The following LARP1 variants were observed in gnomAD, a reference collection of about 807,000 sequenced individuals.
LARP1 encodes the protein la-related protein 1.
Under a neutral mutation model 122.7 loss-of-function variants are expected in LARP1, and 36 were observed. The ratio of observed to expected loss-of-function variants is 0.29; its 90% CI spans 0.22 to 0.39. The LOEUF is 0.39. LARP1 is among the 10% of genes least tolerant of loss of function. LARP1 has a pLI of 1.00. For missense variants in LARP1, 1,040 were observed against 1,403.6 expected (o/e 0.74, Z 4.14); for synonymous variants, 539 against 528.7 (o/e 1.02, Z -0.27).
At chr5:154,761,219 T>C (rs114504551) in intron 1 of LARP1, among the ~76,000 whole-genome samples, 17 of 152,286 alleles carry the variant, frequency 1.1e-4, no homozygotes, top group African/African-American at 3.9e-4. Flanking sequence ...TTTGCACAGG[T>C]AGTTTGAGTT....
intron 1 of LARP1, among the ~76,000 whole-genome samples, chr5:154,784,417 A>AT (rs764892348): frequency 3.3e-5 from 5 of 152,192 alleles, no homozygotes; most frequent in Admixed American, 6.5e-5. Flanking sequence ...GTGAGTGTGA[A>AT]TGTAATACAG....
intron 14 of LARP1, chr5:154,804,808 A>G (rs1437876906): frequency 4.4e-6 from 2 of 456,256 alleles, no homozygotes; most frequent in East Asian, 6.9e-5. Context: ...CTGTTTCCCA[A>G]AGCAAGCTTT....
chr5:154,752,025 A>G (rs59749917), upstream of LARP1, among the ~76,000 whole-genome samples: 27,538 of 152,014 alleles, frequency 0.18, 3,434 homozygotes, highest in African/African-American at 0.36. Context: ...GTCCAGGCTG[A>G]TCTCTAACTC....
Position 154,799,672 on chromosome 5 carries a change from C to T in LARP1, c.1459C>T (p.Pro487Ser). 1 of 1,614,174 alleles carries T rather than the reference C, an allele frequency of 6.2e-7. No homozygotes were observed. The highest frequency in any genetic ancestry group is 8.5e-7 in the Non-Finnish European group (1 of 1,180,020). Residue 487 changes from proline (P) to serine (S), a missense_variant, in exon 9 of 19, where the codon CCA (proline) becomes TCA (serine). Physicochemically the swap from Pro to Ser is moderately conservative, Grantham distance 74. Around this residue, in one of 8 missense-constraint regions of LARP1, gnomAD observed 362 missense variants for 533.1 expected, o/e 0.68. Transcript: ENST00000518297. ...GGAACCAGAAAAGTGGCCTCTTCCC[C>T]CAATAGTGGATTATTCACAGACTGA... ...REEPEKWPLP[P>S]IVDYSQTDFS... is the part of the protein sequence containing the mutation.
intron 1 of LARP1, among the ~76,000 whole-genome samples, chr5:154,689,861 G>A (rs1421888020): frequency 6.6e-6 from 1 of 152,084 alleles, no homozygotes; most frequent in African/African-American, 2.4e-5. Flanking sequence ...CGGATCACCT[G>A]AGGTCGGGAG....
chr5:154,780,041 G>A (rs1184529402), intron 1 of LARP1, among the ~76,000 whole-genome samples: 4 of 152,016 alleles, frequency 2.6e-5, no homozygotes, highest in Non-Finnish European at 5.9e-5. Flanking sequence ...TGGGAAGCAA[G>A]GCTGCCTGGC....
intron 1 of LARP1, among the ~76,000 whole-genome samples, chr5:154,779,227 GCCT>G (rs1756191246): frequency 6.6e-6 from 1 of 152,046 alleles, no homozygotes; most frequent in Non-Finnish European, 1.5e-5. Flanking sequence ...CTGTCATTTT[GCCT>G]CCTCATGAAC....
intron 1 of LARP1, among the ~76,000 whole-genome samples, chr5:154,783,929 C>T (rs979951301): frequency 1.3e-5 from 2 of 152,146 alleles, no homozygotes; most frequent in African/African-American, 4.8e-5. Flanking sequence ...GTAGGTAATG[C>T]TCCCAAGGGT....
At chr5:154,770,582 G>A (rs1755322474) in intron 1 of LARP1, among the ~76,000 whole-genome samples, 4 of 152,142 alleles carry the variant, frequency 2.6e-5, no homozygotes, top group Admixed American at 2.6e-4. Context: ...GGCATGGTTG[G>A]GAGGGCAGTC....
intron 1 of LARP1, among the ~76,000 whole-genome samples, chr5:154,727,712 TG>T (rs1461152310): frequency 6.6e-6 from 1 of 152,236 alleles, no homozygotes; most frequent in African/African-American, 2.4e-5. Context: ...TATTCCACAA[TG>T]TATATATATT....
At position 154,814,352 on chromosome 5, in the gene LARP1, G is replaced by C; in HGVS notation, c.*256G>C. The C allele has an allele frequency of 3.2e-6, 1 of 315,808 alleles. No individual in the cohort carries two copies. The highest frequency in any genetic ancestry group is 5.8e-6 in the Non-Finnish European group (1 of 171,074). The allele number at this position is 315,808 out of a possible 1,614,324, so 19.6% of individuals were successfully genotyped here. ...GCTTCTTCTAAGGGGGGAGGGAAAGGGGGGAGATTTTTATATATATATACA... is the reference window on the plus strand; with the variant it reads ...GCTTCTTCTAAGGGGGGAGGGAAAGCGGGGAGATTTTTATATATATATACA... On this transcript the variant is annotated 3_prime_UTR_variant, in exon 19 of 19. Coordinates refer to ENST00000518297, the MANE Select transcript of LARP1 (RefSeq NM_033551.3).
rs1025896849 is a variant in LARP1 at position 154,802,944 on chromosome 5, C to T, written c.2110-346C>T. Among the ~76,000 whole-genome samples, 13 of 152,186 alleles carry T rather than the reference C, an allele frequency of 8.5e-5. No individual in the cohort carries two copies. Among genetic ancestry groups the T allele is most frequent in the Admixed American group, 4.6e-4 (7 of 15,290 alleles). On this transcript the variant is annotated intron_variant, in intron 11 of 18. Transcript: ENST00000518297. The surrounding 1 kb of genome is among the most constrained non-coding windows in gnomAD (Gnocchi z 5.1). Reference sequence around the variant, plus strand: ...TGGAAGTAAGGAGGAAGGAGAGTTGCCCAGCCACTGTGTGATAAGGCAGTA... The same window carrying T: ...TGGAAGTAAGGAGGAAGGAGAGTTGTCCAGCCACTGTGTGATAAGGCAGTA...
Position 154,691,273 on chromosome 5 carries a change from AAAG to A in LARP1, c.-180+8239_-180+8241del, listed in dbSNP as rs1389091876. 6.0e-5 allele frequency among the ~76,000 whole-genome samples: 9 copies of A among 151,172 alleles called. 2 individuals are homozygous for A. The highest frequency in any genetic ancestry group is 4.2e-4 in the South Asian group (2 of 4,790). Reference sequence around the variant, plus strand: ...GGAGACTCCGTCTCAAAAAAAAAAAAAAGAAAGAAAGTATCAGACTTGCAATCA... The same window carrying A: ...GGAGACTCCGTCTCAAAAAAAAAAAAAAAGAAAGTATCAGACTTGCAATCA... On this transcript the variant is annotated intron_variant, in intron 1 of 18. Coordinates refer to the LARP1 transcript ENST00000687700.
chr5:154,705,100 A>T (rs1754887967), intron 1 of LARP1, among the ~76,000 whole-genome samples: 1 of 143,268 alleles, frequency 7.0e-6, no homozygotes, highest in Admixed American at 7.1e-5. Context: ...CCTGGGCGAC[A>T]GATCAAGACT....
Position 154,766,613 on chromosome 5 carries a change from A to G in LARP1, c.436+10420A>G, listed in dbSNP as rs1754974336. ...CTGCAGCTGGCTGGGTGGGAACAACAAGAGGCCCTGAAAGTTGTAGAAGGG... is the reference window on the plus strand; with the variant it reads ...CTGCAGCTGGCTGGGTGGGAACAACGAGAGGCCCTGAAAGTTGTAGAAGGG... On this transcript the variant is annotated intron_variant, in intron 1 of 18. Transcript: ENST00000518297. 2.0e-5 allele frequency among the ~76,000 whole-genome samples: 3 copies of G among 152,306 alleles called. No homozygotes were observed. The South Asian group carries it at 6.2e-4, about 32-fold the overall frequency.
intron 1 of LARP1, among the ~76,000 whole-genome samples, chr5:154,702,511 A>G (rs1485325557): frequency 6.6e-6 from 1 of 151,210 alleles, no homozygotes; most frequent in East Asian, 2.0e-4. Context: ...AGCCAAGACC[A>G]TGCCATTGCA....
rs1178715574 is a variant in LARP1, at chr5:154,795,287, G to T, written c.1345G>T (p.Ala449Ser). 1.2e-6 allele frequency: 2 copies of T among 1,614,020 alleles called. No individual in the cohort carries two copies. Among genetic ancestry groups the T allele is most frequent in the Non-Finnish European group, 8.5e-7 (1 of 1,179,970 alleles). Residue 449 changes from alanine to serine, a missense_variant, in exon 8 of 19, where the codon GCC becomes TCC. Ala to Ser is a moderately conservative substitution (Grantham distance 99). This residue lies in a region of LARP1 where 362 missense variants were observed against 533.1 expected (regional missense o/e 0.68). Transcript: ENST00000518297. ...TATTGCTTCCTTCCACCGAGTGCAGGCCCTTACCACTGACATTTCACTCAT... is the reference window on the plus strand; with the variant it reads ...TATTGCTTCCTTCCACCGAGTGCAGTCCCTTACCACTGACATTTCACTCAT... ...TLIASFHRVQALTTDISLIFA... is the reference protein window; with the variant it reads ...TLIASFHRVQSLTTDISLIFA...
In LARP1 at chr5:154,778,931, T is replaced by G. The variant is rs1350235171; in HGVS notation, c.437-11394T>G. 2.0e-5 allele frequency among the ~76,000 whole-genome samples: 3 copies of G among 152,320 alleles called. No individual in the cohort carries two copies. The East Asian group carries it at 5.8e-4, about 29-fold the overall frequency. The stretch of plus-strand genomic sequence containing the variant: ...ATGTCCCAGTATTGCATGGGACATA[T>G]TTAGTCTATAAAATTACTGTTTATC... On this transcript the variant is annotated intron_variant, in intron 1 of 18. Coordinates refer to ENST00000518297, the MANE Select transcript of LARP1 (RefSeq NM_033551.3).
At chr5:154,755,071 C>T (rs1316026544), upstream of LARP1, among the ~76,000 whole-genome samples, 1 of 151,966 alleles carries the variant, frequency 6.6e-6, no homozygotes, top group Non-Finnish European at 1.5e-5. Context: ...CGTCAGCGCC[C>T]CCACCGACAA....
Sources: gnomAD v4.1 joint callset for allele counts (sites outside exome capture counted in the v4.1 genomes callset) on GRCh38, gnomAD v4.1.1 for gene constraint, gnomAD v4.1.1 regional missense constraint, Gnocchi (gnomAD v3.1) non-coding constraint, MANE v1.5 for transcripts, NCBI Gene and HGNC (gene_info 2026-07-23, HGNC 2026-07-21) for gene names.